LARGE1: variants seen among roughly 807,000 people sequenced by gnomAD.
LARGE1 encodes xylosyl- and glucuronyltransferase LARGE1.
Under a neutral mutation model 87.6 loss-of-function variants are expected in LARGE1, and 43 were observed. The observed-to-expected ratio is 0.49, with a 90% CI of 0.38 to 0.63. The LOEUF is 0.63. Ranked by LOEUF, LARGE1 falls within the 30% of genes least tolerant of loss-of-function variation. The pLI is 0.00. For missense variants in LARGE1, 802 were observed against 1,000.2 expected, an observed-to-expected ratio of 0.80 and a Z score of 2.67; for synonymous variants, 434 against 394.6, an observed-to-expected ratio of 1.10 and a Z score of -1.18.
Position 33,274,515 on chromosome 22 carries a change from T to G in LARGE1, c.2183A>C (p.Lys728Thr), listed in dbSNP as rs762935110. 1 of 1,614,152 alleles carries G rather than the reference T, an allele frequency of 6.2e-7. No individual in the cohort carries two copies. Among genetic ancestry groups the G allele is most frequent in the South Asian group, 1.1e-5 (1 of 91,084 alleles). Residue 728 changes from lysine (K) to threonine (T), a missense_variant, in exon 15 of 15, where the codon AAA (lysine) becomes ACA (threonine). Physicochemically the swap from Lys to Thr is moderately conservative, Grantham distance 78. Coordinates refer to ENST00000397394, the MANE Select transcript of LARGE1 (RefSeq NM_133642.5). The stretch of plus-strand genomic sequence containing the variant: ...CTGCTGAAACTCTTCCTTGAGGGTT[T>G]TGAGACAGATGCGGTATTGCTTGTT... ...RSNKQYRICL[K>T]TLKEEFQQDM... is the part of the protein sequence containing the mutation.
At chr22:33,901,822 G>C (rs1214131273) in intron 1 of LARGE1, among the ~76,000 whole-genome samples, 3 of 152,092 alleles carry the variant, frequency 2.0e-5, no homozygotes. Context: ...TATAGCAAAT[G>C]GCTTTCTAAA....
At chr22:33,878,742 G>A (rs2064564357) in intron 1 of LARGE1, among the ~76,000 whole-genome samples, 7 of 152,128 alleles carry the variant, frequency 4.6e-5, no homozygotes, top group Non-Finnish European at 8.8e-5. Flanking sequence ...TTAAAAGAGA[G>A]GCTTCTCCAG....
At chr22:33,791,182 G>T (rs1176946505) in intron 1 of LARGE1, among the ~76,000 whole-genome samples, 1 of 152,194 alleles carries the variant, frequency 6.6e-6, no homozygotes, top group Non-Finnish European at 1.5e-5. Flanking sequence ...AAATGTCTTT[G>T]TGCTGTACAC....
At chr22:33,567,069 A>T (rs568118653) in intron 5 of LARGE1, among the ~76,000 whole-genome samples, 1 of 152,310 alleles carries the variant, frequency 6.6e-6, no homozygotes, top group East Asian at 1.9e-4. Flanking sequence ...GATCTCTCTA[A>T]GCCTTGGTTT....
chr22:33,373,328 A>T (rs1335278884), intron 9 of LARGE1, among the ~76,000 whole-genome samples: 3 of 152,204 alleles, frequency 2.0e-5, no homozygotes, highest in Admixed American at 6.5e-5. Context: ...TAATTCTGAA[A>T]TCTGTTTAAC....
rs73882291 is a variant in LARGE1, at chr22:33,667,115, C to G, written c.107-16447G>C. Among the ~76,000 whole-genome samples the G allele has an allele frequency of 5.8e-3, 877 of 152,324 alleles. 10 individuals carry two copies. The highest frequency in any genetic ancestry group is 0.02 in the African/African-American group (831 of 41,572). On this transcript the variant is annotated intron_variant, in intron 2 of 14. Coordinates refer to ENST00000397394, the MANE Select transcript of LARGE1 (RefSeq NM_133642.5). ...CTATAAGGGTTATAATTACTCAGCC[C>G]GGTGCATGCACCCACGTGCACACAC...
At chr22:33,283,127 G>C (rs1230840674) in intron 13 of LARGE1, 75 bp downstream of exon 13, 1 of 1,581,572 alleles carries the variant, frequency 6.3e-7, no homozygotes, top group Middle Eastern at 2.1e-4. Flanking sequence ...CAGATCGATA[G>C]CTTTGGCATC....
chr22:33,198,482 C>T (rs966757211), intron 11 of LARGE1, among the ~76,000 whole-genome samples: 2 of 151,902 alleles, frequency 1.3e-5, no homozygotes, highest in Non-Finnish European at 2.9e-5. Context: ...GTGTATATTG[C>T]ATAGTGGTGA....
Position 33,295,709 on chromosome 22 carries a change from G to T in LARGE1, c.1730+8520C>A, listed in dbSNP as rs993069061. On this transcript the variant is annotated intron_variant, in intron 12 of 14. Coordinates refer to ENST00000397394, the MANE Select transcript of LARGE1 (RefSeq NM_133642.5). ...CTAGGAAATGAGCTCTTGGCTGACT[G>T]GCTTCCAGGAGCTTTGTGGGGACAA... Among the ~76,000 whole-genome samples, 3 of 152,182 alleles carry T rather than the reference G, an allele frequency of 2.0e-5. No homozygotes were observed. The East Asian group carries it at 5.8e-4, about 29-fold the overall frequency.
At chr22:33,448,416 A>G (rs1019907103) in intron 6 of LARGE1, among the ~76,000 whole-genome samples, 1 of 152,334 alleles carries the variant, frequency 6.6e-6, no homozygotes, top group Admixed American at 6.5e-5. Context: ...TGTTAATTAA[A>G]CAATAAATTA....
intron 7 of LARGE1, among the ~76,000 whole-genome samples, chr22:33,431,695 C>G (rs16992335): frequency 0.018 from 2,803 of 152,266 alleles, 77 homozygotes; most frequent in Admixed American, 0.08. Flanking sequence ...ACTTTCCCAC[C>G]ACATACATGG....
intron 1 of LARGE1, among the ~76,000 whole-genome samples, chr22:33,860,047 C>T (rs941584199): frequency 4.6e-5 from 7 of 151,896 alleles, no homozygotes; most frequent in East Asian, 1.9e-4. Flanking sequence ...ATTGGCTGCA[C>T]GACAATGTGA....
At chr22:33,764,023 TATTTTC>T (rs1398968625) in intron 1 of LARGE1, among the ~76,000 whole-genome samples, 1 of 151,790 alleles carries the variant, frequency 6.6e-6, no homozygotes, top group Non-Finnish European at 1.5e-5. Context: ...CTAGTTTTTG[TATTTTC>T]AGTAGAGATG....
At chr22:33,072,282 G>A in the LARGE1 span, among the ~76,000 whole-genome samples, 1 of 152,166 alleles carries the variant, frequency 6.6e-6, no homozygotes, top group Non-Finnish European at 1.5e-5. Flanking sequence ...AGAGGAGGAG[G>A]AGGAGAAGGA....
intron 11 of LARGE1, among the ~76,000 whole-genome samples, chr22:33,260,976 G>A (rs1927594064): frequency 6.6e-6 from 1 of 152,130 alleles, no homozygotes; most frequent in Non-Finnish European, 1.5e-5. Flanking sequence ...AAATGTCAGG[G>A]TTTTCAAAAT....
chr22:33,142,674 A>G, the LARGE1 span, among the ~76,000 whole-genome samples: 1 of 152,128 alleles, frequency 6.6e-6, no homozygotes, highest in South Asian at 2.1e-4. Context: ...AGTTTTTGGT[A>G]TGCATTGGTC....
intron 5 of LARGE1, among the ~76,000 whole-genome samples, chr22:33,570,952 T>A (rs2078182427): frequency 6.6e-6 from 1 of 152,022 alleles, no homozygotes; most frequent in African/African-American, 2.4e-5. Context: ...AGGCAAATTT[T>A]CCCGAGAGCA....
Position 33,802,544 on chromosome 22 carries a change from G to A in LARGE1, c.-82-40986C>T, listed in dbSNP as rs114078821. Among the ~76,000 whole-genome samples, 696 of 152,228 alleles carry A rather than the reference G, an allele frequency of 4.6e-3. 3 individuals carry two copies. Among genetic ancestry groups the A allele is most frequent in the African/African-American group, 0.015 (638 of 41,556 alleles). ...CTCACAGGAGGAGGTTTTCTTCCCC[G>A]TTCTGGTTATGAAGACAGGGACACA... On this transcript the variant is annotated intron_variant, in intron 1 of 14. Coordinates refer to ENST00000397394, the MANE Select transcript of LARGE1 (RefSeq NM_133642.5).
intron 2 of LARGE1, among the ~76,000 whole-genome samples, chr22:33,753,993 C>T (rs1022177418): frequency 2.6e-5 from 4 of 152,038 alleles, no homozygotes; most frequent in Non-Finnish European, 4.4e-5. Context: ...ACCTGGGAGG[C>T]GGAGGTTGCA....
Sources: allele counts gnomAD v4.1 joint callset (sites outside exome capture counted in the v4.1 genomes callset), GRCh38; gene constraint gnomAD v4.1.1; transcripts MANE v1.5; gene names NCBI Gene and HGNC (gene_info 2026-07-23, HGNC 2026-07-21).